The following DMD variants were observed in gnomAD, a reference collection of about 807,000 sequenced individuals.
DMD encodes the protein mutant dystrophin.
In DMD, 63 loss-of-function variants were observed where a neutral mutation model predicts 330.1. The ratio of observed to expected loss-of-function variants is 0.19; its 90% CI spans 0.16 to 0.24. The LOEUF (loss-of-function observed/expected upper bound fraction) is 0.24, where lower values mean the gene tolerates loss of function less well. Ranked by LOEUF, DMD falls within the 10% of genes least tolerant of loss-of-function variation. The pLI is 1.00. For missense variants in DMD, 3,344 were observed against 2,684.1 expected (o/e 1.25, Z -5.43); for synonymous variants, 1,223 against 959.8 (o/e 1.27, Z -5.07).
intron 1 of DMD, among the ~76,000 whole-genome samples, chrX:33,223,052 G>A (rs756772302): frequency 3.6e-5 from 4 of 112,091 alleles, no homozygotes; most frequent in Non-Finnish European, 7.5e-5. Context: ...GCTCACACCT[G>A]TAATCCCAGC....
intron 2 of DMD, among the ~76,000 whole-genome samples, chrX:32,853,835 A>G (rs112854028): frequency 0.055 from 5,942 of 108,937 alleles, 466 homozygotes; most frequent in African/African-American, 0.19. Flanking sequence ...TGTTGCCTAC[A>G]AGAAACACGC....
At chrX:32,491,660 T>C (rs933550875) in intron 19 of DMD, 142 bp from the exon 20 acceptor site, 6 of 575,823 alleles carry the variant, frequency 1.0e-5, no homozygotes, top group African/African-American at 2.3e-5. Context: ...AAGATATAAA[T>C]GTGTAAATAT....
chrX:31,523,203 A>AAGG (rs2147375221), intron 55 of DMD, among the ~76,000 whole-genome samples: 1 of 111,585 alleles, frequency 9.0e-6, no homozygotes, highest in South Asian at 3.9e-4. Context: ...ACACTGTTCT[A>AAGG]GCATAACAGC....
chrX:32,553,183 T>C (rs1294084360), intron 16 of DMD, among the ~76,000 whole-genome samples: 1 of 112,017 alleles, frequency 8.9e-6, no homozygotes, highest in Non-Finnish European at 1.9e-5. Flanking sequence ...CCATCAGTGG[T>C]AGACTGGATA....
intron 16 of DMD, among the ~76,000 whole-genome samples, chrX:32,561,791 G>A (rs776020942): frequency 6.2e-4 from 69 of 111,807 alleles, no homozygotes; most frequent in Non-Finnish European, 1.2e-3. Flanking sequence ...CAGCCAGAGA[G>A]AAAGGCCAGG....
chrX:33,222,412 T>G (rs1310452078), intron 1 of DMD, among the ~76,000 whole-genome samples: 2 of 112,293 alleles, frequency 1.8e-5, no homozygotes, highest in Non-Finnish European at 3.8e-5. Flanking sequence ...ATAAACAACA[T>G]CTACATAAAC....
intron 76 of DMD, among the ~76,000 whole-genome samples, chrX:31,137,928 A>G (rs374736927): frequency 9.0e-6 from 1 of 111,551 alleles, no homozygotes; most frequent in Non-Finnish European, 1.9e-5. Context: ...AGGATTGGCA[A>G]ATGCAAAGAC....
intron 4 of DMD, among the ~76,000 whole-genome samples, chrX:32,839,552 T>G: frequency 8.9e-6 from 1 of 111,879 alleles, no homozygotes. Context: ...TTCAATGTGA[T>G]TATTTATATC....
chrX:32,641,244 G>C (rs918855980), intron 11 of DMD, among the ~76,000 whole-genome samples: 4 of 109,825 alleles, frequency 3.6e-5, no homozygotes, highest in East Asian at 5.7e-4. Flanking sequence ...TATTTTTCTT[G>C]TGTTCTTTTT....
intron 44 of DMD, among the ~76,000 whole-genome samples, chrX:31,995,884 C>T (rs770991604): frequency 8.9e-6 from 1 of 112,123 alleles, no homozygotes; most frequent in Non-Finnish European, 1.9e-5. Context: ...TTGTTAAATG[C>T]ATCTTTGCAA....
chrX:31,150,658 C>T (rs1371542053), intron 74 of DMD, among the ~76,000 whole-genome samples: 1 of 111,626 alleles, frequency 9.0e-6, no homozygotes, highest in African/African-American at 3.3e-5. Flanking sequence ...AAGAGTTTTC[C>T]CATTGTCCAG....
chrX:32,703,772 C>A (rs2064347642), intron 7 of DMD, among the ~76,000 whole-genome samples: 2 of 111,013 alleles, frequency 1.8e-5, no homozygotes, highest in African/African-American at 6.6e-5. Flanking sequence ...TGACTAAAGG[C>A]AATGGTATGA....
At chrX:33,132,722 T>G (rs764724439) in intron 1 of DMD, among the ~76,000 whole-genome samples, 1 of 112,425 alleles carries the variant, frequency 8.9e-6, no homozygotes, top group Non-Finnish European at 1.9e-5. Context: ...ACACTCAGGC[T>G]CCGAAGTCAA....
At chrX:32,973,569 A>G (rs1187231690) in intron 2 of DMD, among the ~76,000 whole-genome samples, 1 of 111,974 alleles carries the variant, frequency 8.9e-6, no homozygotes, top group African/African-American at 3.2e-5. Flanking sequence ...GAAGAAGCCA[A>G]ACAACATAGC....
At chrX:31,891,488 C>T (rs2149764070) in intron 47 of DMD, among the ~76,000 whole-genome samples, 1 of 111,483 alleles carries the variant, frequency 9.0e-6, no homozygotes, top group East Asian at 2.8e-4. Context: ...CACATTCAGC[C>T]ACCATATGTC....
intron 9 of DMD, among the ~76,000 whole-genome samples, chrX:32,691,278 T>A (rs1425896966): frequency 9.2e-6 from 1 of 108,907 alleles, no homozygotes; most frequent in Non-Finnish European, 1.9e-5. Flanking sequence ...TAACAACTGG[T>A]TATCTTCTAA....
intron 42 of DMD, among the ~76,000 whole-genome samples, chrX:32,293,537 G>A (rs1216480621): frequency 8.9e-6 from 1 of 111,806 alleles, no homozygotes; most frequent in Non-Finnish European, 1.9e-5. Context: ...ACAACAGCAT[G>A]TTGGAAGTGG....
chrX:33,021,552 G>A (rs189604088), intron 1 of DMD, among the ~76,000 whole-genome samples: 8 of 110,871 alleles, frequency 7.2e-5, no homozygotes, highest in Non-Finnish European at 1.3e-4. Flanking sequence ...GTAAATCTCC[G>A]TTGCTTCTCT....
intron 44 of DMD, among the ~76,000 whole-genome samples, chrX:32,085,678 G>GTGTGTATATATATA (rs1401395119): frequency 2.1e-4 from 11 of 52,115 alleles, no homozygotes; most frequent in East Asian, 7.9e-4. Context: ...ATATACACAC[G>GTGTGTATATATATA]CGTATATATA....
Sources: allele counts gnomAD v4.1 joint callset (sites outside exome capture counted in the v4.1 genomes callset), GRCh38; gene constraint gnomAD v4.1.1; transcripts MANE v1.5; gene names NCBI Gene and HGNC (gene_info 2026-07-23, HGNC 2026-07-21).